The following MED13 variants were observed in gnomAD, a reference collection of about 807,000 sequenced individuals.
MED13 encodes mediator complex subunit 13.
A neutral mutation model predicts 225.2 loss-of-function variants in MED13; 23 were observed. The ratio of observed to expected loss-of-function variants is 0.10; its 90% CI spans 0.07 to 0.14. The LOEUF is 0.14. Among genes scored for constraint, MED13 ranks in the 10% least tolerant of loss-of-function variants. MED13 has a pLI of 1.00. For synonymous variants in MED13, 942 were observed against 889.2 expected (o/e 1.06, Z -1.06); for missense variants, 2,197 against 2,594.5 (o/e 0.85, Z 3.33).
intron 10 of MED13, among the ~76,000 whole-genome samples, chr17:61,994,102 G>A (rs1036657098): frequency 6.6e-6 from 1 of 151,692 alleles, no homozygotes; most frequent in Non-Finnish European, 1.5e-5. Flanking sequence ...GGGTTCAAGC[G>A]ATTCTCCTGT....
chr17:61,957,018 C>T (rs931199152), intron 23 of MED13, among the ~76,000 whole-genome samples: 3 of 152,016 alleles, frequency 2.0e-5, no homozygotes, highest in African/African-American at 7.2e-5. Context: ...TATAAAACAC[C>T]TCAATTCATC....
In MED13 at chr17:61,976,023, A is replaced by T. The variant is rs112572571; in HGVS notation, c.3806-3135T>A. 6.9e-3 allele frequency among the ~76,000 whole-genome samples: 1,045 copies of T among 152,340 alleles called. 9 individuals carry two copies. Among genetic ancestry groups the T allele is most frequent in the African/African-American group, 0.021 (854 of 41,582 alleles). On this transcript the variant is annotated intron_variant, in intron 16 of 29. Coordinates refer to ENST00000397786, the MANE Select transcript of MED13 (RefSeq NM_005121.3). ...AAGAGCGAGACTCCGTCTCAAAAAA[A>T]AAATAAATAAATAAAGATTAAACAG...
At chr17:62,016,949 G>GC (rs2080588035) in intron 8 of MED13, among the ~76,000 whole-genome samples, 1 of 151,830 alleles carries the variant, frequency 6.6e-6, no homozygotes, top group South Asian at 2.1e-4. Context: ...GGTGGAGGTT[G>GC]CAAGTGAGCC....
At chr17:61,979,855 T>G (rs2080188331) in intron 16 of MED13, among the ~76,000 whole-genome samples, 1 of 152,138 alleles carries the variant, frequency 6.6e-6, no homozygotes, top group South Asian at 2.1e-4. Context: ...GTTTTCACCT[T>G]AATGTATCGA....
intron 26 of MED13, among the ~76,000 whole-genome samples, chr17:61,954,146 C>T (rs1603390607): frequency 6.6e-6 from 1 of 152,024 alleles, no homozygotes; most frequent in African/African-American, 2.4e-5. Flanking sequence ...ACTGTATTTA[C>T]GAATAATACC....
intron 8 of MED13, among the ~76,000 whole-genome samples, chr17:62,016,190 C>A (rs1346991584): frequency 4.9e-5 from 7 of 144,056 alleles, no homozygotes; most frequent in African/African-American, 1.6e-4. Context: ...AAAAAAAAAA[C>A]CCAGCAGGTC....
chr17:61,977,366 G>A (rs747625675), intron 16 of MED13, among the ~76,000 whole-genome samples: 2 of 152,192 alleles, frequency 1.3e-5, no homozygotes, highest in Non-Finnish European at 2.9e-5. Context: ...AACATGCCAA[G>A]GGCTCTAATG....
chr17:61,993,399 G>T (rs1401018654), intron 10 of MED13, among the ~76,000 whole-genome samples: 1 of 149,084 alleles, frequency 6.7e-6, no homozygotes, highest in Non-Finnish European at 1.5e-5. Context: ...ATGGGGTTTC[G>T]CCATGTTGGC....
At chr17:61,968,320 T>TA in intron 17 of MED13, 62 bp from the exon 18 acceptor site, 1 of 1,081,716 alleles carries the variant, frequency 9.2e-7, no homozygotes, top group Non-Finnish European at 1.3e-6. Flanking sequence ...CCTTTTTATT[T>TA]ATTTATTTAT....
chr17:61,997,653 T>C (rs1425589960), intron 9 of MED13, among the ~76,000 whole-genome samples: 2 of 152,162 alleles, frequency 1.3e-5, no homozygotes, highest in East Asian at 3.8e-4. Flanking sequence ...TGAGGTCACA[T>C]AGTGGCAAAG....
chr17:61,999,939 A>T (rs1178663220), intron 9 of MED13, among the ~76,000 whole-genome samples: 2 of 152,132 alleles, frequency 1.3e-5, no homozygotes, highest in Non-Finnish European at 2.9e-5. Context: ...CGGTATTGTC[A>T]CATGTCTGTA....
chr17:61,958,661 C>T lies in MED13; in HGVS notation c.5481-2180G>A, dbSNP rs146736658. Among the ~76,000 whole-genome samples the T allele has an allele frequency of 4.7e-3, 711 of 151,874 alleles. 2 individuals carry two copies. The highest frequency in any genetic ancestry group is 0.014 in the Middle Eastern group (4 of 294). On this transcript the variant is annotated intron_variant, in intron 23 of 29. Coordinates refer to ENST00000397786, the MANE Select transcript of MED13 (RefSeq NM_005121.3). ...CTAATTTTTGTATTTTTAGTATAGA[C>T]GGGGTTTCATTATGTTGGCCAGGCT... is the stretch of plus-strand genomic sequence containing the variant.
intron 15 of MED13, 48 bp downstream of exon 15, chr17:61,984,123 T>G (rs766092439): frequency 4.7e-6 from 6 of 1,287,616 alleles, no homozygotes; most frequent in Non-Finnish European, 6.1e-6. Context: ...AAAAAAAAAT[T>G]AAAGCTGTAT....
At chr17:61,992,402 C>A in intron 11 of MED13, 138 bp downstream of exon 11, 1 of 544,486 alleles carries the variant, frequency 1.8e-6, no homozygotes, top group East Asian at 3.1e-5. Flanking sequence ...ACCAATAAAC[C>A]CATCATTTAA....
intron 26 of MED13, among the ~76,000 whole-genome samples, chr17:61,954,173 A>G (rs2079921227): frequency 6.6e-6 from 1 of 152,200 alleles, no homozygotes; most frequent in Admixed American, 6.5e-5. Context: ...TTTATTAAGT[A>G]AAATATTCGA....
chr17:62,063,349 G>C, intron 1 of MED13, 48 bp from the exon 2 acceptor site: 1 of 1,237,010 alleles, frequency 8.1e-7, no homozygotes, highest in African/African-American at 1.5e-5. Flanking sequence ...TTCACTCAAA[G>C]TCAAAAGTAC....
At chr17:61,962,663 A>C (rs2080012015) in intron 21 of MED13, 89 bp downstream of exon 21, 1 of 1,107,782 alleles carries the variant, frequency 9.0e-7, no homozygotes, top group African/African-American at 1.6e-5. Context: ...TTAGATAATC[A>C]ATTTGAATAC....
intron 16 of MED13, among the ~76,000 whole-genome samples, chr17:61,981,423 T>C (rs1315249531): frequency 2.0e-5 from 3 of 152,224 alleles, no homozygotes; most frequent in African/African-American, 7.2e-5. Context: ...CACAAAGGCC[T>C]TACATGGTCT....
At chr17:62,018,866 A>G (rs933251890) in intron 8 of MED13, among the ~76,000 whole-genome samples, 2 of 152,238 alleles carry the variant, frequency 1.3e-5, no homozygotes, top group African/African-American at 4.8e-5. Flanking sequence ...ATGAGTATAT[A>G]TAACAAAATG....
Sources: allele counts gnomAD v4.1 joint callset (sites outside exome capture counted in the v4.1 genomes callset), GRCh38; gene constraint gnomAD v4.1.1; transcripts MANE v1.5; gene names NCBI Gene and HGNC (gene_info 2026-07-23, HGNC 2026-07-21).